The following BBC3 variants were observed in gnomAD, a reference collection of about 807,000 sequenced individuals.
The protein encoded by BBC3 is BCL2 binding component 3.
In BBC3, 5 loss-of-function variants were observed where a neutral mutation model predicts 18.2. The ratio of observed to expected loss-of-function variants is 0.27; its 90% CI spans 0.14 to 0.58. The LOEUF is 0.58. Among genes scored for constraint, BBC3 ranks in the 20% least tolerant of loss-of-function variants. The pLI is 0.91. For synonymous variants in BBC3, 119 were observed against 128.0 expected, an observed-to-expected ratio of 0.93 and a Z score of 0.47; for missense variants, 224 against 268.9, an observed-to-expected ratio of 0.83 and a Z score of 1.17.
Position 47,221,880 on chromosome 19 carries a change from C to T in BBC3, c.504G>A (p.Trp168Ter). The T allele has an allele frequency of 6.2e-7, 1 of 1,611,316 alleles. No individual in the cohort carries two copies. Among genetic ancestry groups the T allele is most frequent in the Non-Finnish European group, 8.5e-7 (1 of 1,179,000 alleles). The change falls in exon 4 of 4, where the codon TGG (tryptophan) becomes TGA (stop). Residue 168 changes from tryptophan (W) to a stop codon, truncating the protein, a stop_gained. Transcript: ENST00000439096. LOFTEE classifies it high-confidence loss of function. ...CCATGATGAGATTGTACAGGACCCT[C>T]CAGGGTGAGGGGCGGTGCCGCTGCT... The part of the protein sequence containing the change: ...EEQQRHRPSP[W>*]RVLYNLIMGL...
chr19:47,226,891 A>C, intron 2 of BBC3, 137 bp from the exon 3 acceptor site: 3 of 779,466 alleles, frequency 3.8e-6, no homozygotes, highest in Non-Finnish European at 5.6e-6. Context: ...TCAATTTCTC[A>C]GCTTCTCCTC....
upstream of BBC3, chr19:47,231,352 C>T (rs2058913240): frequency 1.7e-5 from 5 of 291,974 alleles, no homozygotes; most frequent in South Asian, 5.3e-4. The surrounding 1 kb of genome is among the most constrained non-coding windows in gnomAD (Gnocchi z 4.0). Flanking sequence ...GCGCGCCGCG[C>T]CCCCCCCTAC....
Position 47,226,705 on chromosome 19 carries a change from C to T in BBC3, c.324G>A (p.Val108=). Residue 108 remains valine, a synonymous_variant, in exon 3 of 4, where the codon GTG becomes GTA. Coordinates refer to ENST00000439096, the MANE Select transcript of BBC3 (RefSeq NM_014417.5). Reference sequence around the variant, plus strand: ...CCGCCAGAGCCCCCGGGGCGCTGGGCACGGGCGACTCCAGGTGCTGCTCCG... The same window carrying T: ...CCGCCAGAGCCCCCGGGGCGCTGGGTACGGGCGACTCCAGGTGCTGCTCCG... ...SLAEQHLESP[V]PSAPGALAGG... The T allele has an allele frequency of 6.8e-7, 1 of 1,463,908 alleles. No homozygotes were observed. Among genetic ancestry groups the T allele is most frequent in the Non-Finnish European group, 9.0e-7 (1 of 1,111,504 alleles). The allele number at this position is 1,463,908 out of a possible 1,614,324, so 90.7% of individuals were successfully genotyped here. A position where few individuals can be genotyped will look rare whatever the true frequency, so the allele number is the denominator to read the frequency against.
chr19:47,228,143 G>A lies in BBC3; in HGVS notation c.274+15C>T. ...TCCCGGCTCCTATCACCCCGGGGGC[G>A]GGGCGGGCACTCACCGTCCGGGCGC... On this transcript the variant is annotated intron_variant, in intron 2 of 3. Coordinates refer to ENST00000439096, the MANE Select transcript of BBC3 (RefSeq NM_014417.5). The surrounding 1 kb of genome is among the most constrained non-coding windows in gnomAD (Gnocchi z 5.5). 1 of 1,229,212 alleles carries A rather than the reference G, an allele frequency of 8.1e-7. No homozygotes were observed. Among genetic ancestry groups the A allele is most frequent in the Non-Finnish European group, 1.0e-6 (1 of 985,460 alleles). 76.1% of individuals were successfully genotyped at this position (1,229,212 alleles called of 1,614,324 possible).
In BBC3 at chr19:47,228,112, C is replaced by T. The variant is rs751395424; in HGVS notation, c.274+46G>A. 1.6e-4 allele frequency: 194 copies of T among 1,217,244 alleles called. 2 individuals carry two copies. The highest frequency in any genetic ancestry group is 3.6e-5 in the Non-Finnish European group (35 of 975,848). The allele number at this position is 1,217,244 out of a possible 1,614,324, so 75.4% of individuals were successfully genotyped here. ...CCAGTTCCTCCGAGTCTCCAGCCCT[C>T]TCTCTTCCCGGCTCCTATCACCCCG... On this transcript the variant is annotated intron_variant, in intron 2 of 3. Transcript: ENST00000439096. This position sits in a 1 kb window ranked among gnomAD's most constrained non-coding sequence, Gnocchi z 5.5.
At position 47,221,726 on chromosome 19, in the gene BBC3, G is replaced by C. The variant is rs750787778; in HGVS notation, c.*76C>G. 66 of 1,599,364 alleles carry C rather than the reference G, an allele frequency of 4.1e-5. No homozygotes were observed. In the African/African-American group the frequency reaches 8.0e-4, roughly 19 times the overall value. ...CTACATGGTGCAGAGAAAGTCCCCC[G>C]CGCTGGCCAGGGTGTCAGGAGGTGG... On this transcript the variant is annotated 3_prime_UTR_variant, in exon 4 of 4. Coordinates refer to ENST00000439096, the MANE Select transcript of BBC3 (RefSeq NM_014417.5).
chr19:47,227,617 A>C (rs1172072565), intron 2 of BBC3, among the ~76,000 whole-genome samples: 1 of 152,138 alleles, frequency 6.6e-6, no homozygotes. Context: ...ACAGCCCATC[A>C]GGCAGGGGAC....
Position 47,228,100 on chromosome 19 carries a change from G to GTC in BBC3, c.274+56_274+57dup. ...TCTCCCACTTCTCCAGTTCCTCCGA[G>GTC]TCTCCAGCCCTCTCTCTTCCCGGCT... On this transcript the variant is annotated intron_variant, in intron 2 of 3. Transcript: ENST00000439096. This position sits in a 1 kb window ranked among gnomAD's most constrained non-coding sequence, Gnocchi z 5.5. 8.4e-7 allele frequency: 1 copy of GTC among 1,193,200 alleles called. No homozygotes were observed. Among genetic ancestry groups the GTC allele is most frequent in the Non-Finnish European group, 1.0e-6 (1 of 955,122 alleles). 73.9% of individuals were successfully genotyped at this position (1,193,200 alleles called of 1,614,324 possible).
chr19:47,232,575 C>T, upstream of BBC3: 1 of 1,541,352 alleles, frequency 6.5e-7, no homozygotes, highest in Non-Finnish European at 8.8e-7. Flanking sequence ...CATGGACATG[C>T]CTGGGCAGAC....
intron 3 of BBC3, among the ~76,000 whole-genome samples, chr19:47,224,279 G>A (rs1266016387): frequency 1.3e-5 from 2 of 151,932 alleles, no homozygotes; most frequent in East Asian, 3.9e-4. Flanking sequence ...TGGGCAACAA[G>A]AGCGAAACTC....
upstream of BBC3, among the ~76,000 whole-genome samples, chr19:47,232,315 C>A (rs1248800810): frequency 2.6e-5 from 4 of 152,236 alleles, no homozygotes; most frequent in Non-Finnish European, 5.9e-5. Context: ...AGTGCCATTG[C>A]ACTCTAGCCT....
chr19:47,224,085 G>A (rs1229150399), intron 3 of BBC3, among the ~76,000 whole-genome samples: 5 of 151,942 alleles, frequency 3.3e-5, no homozygotes, highest in South Asian at 2.1e-4. Flanking sequence ...ACCTGAGGTC[G>A]GGAATTCAAG....
At chr19:47,227,100 G>A (rs2058837628) in intron 2 of BBC3, 1 of 202,030 alleles carries the variant, frequency 4.9e-6, no homozygotes, top group Non-Finnish European at 1.0e-5. Context: ...GGGAAACTGA[G>A]GCCCGCCCTT....
intron 1 of BBC3, among the ~76,000 whole-genome samples, chr19:47,229,989 A>G (rs1442800878): frequency 6.6e-6 from 1 of 151,864 alleles, no homozygotes; most frequent in African/African-American, 2.4e-5. Flanking sequence ...AAGCACACAT[A>G]TCGCACGCTC....
At chr19:47,231,204 C>A (rs868085077), upstream of BBC3, 8 of 982,350 alleles carry the variant, frequency 8.1e-6, no homozygotes, top group East Asian at 1.1e-4. This position sits in a 1 kb window ranked among gnomAD's most constrained non-coding sequence, Gnocchi z 4.0. Context: ...CGTCTCAGGC[C>A]GCCCGGCGGA....
At chr19:47,224,851 G>C (rs894008623) in intron 3 of BBC3, among the ~76,000 whole-genome samples, 2 of 149,652 alleles carry the variant, frequency 1.3e-5, no homozygotes, top group African/African-American at 4.9e-5. Context: ...AGATTCTCCT[G>C]CCTCAGTCTC....
chr19:47,229,958 A>T (rs747326587), intron 1 of BBC3, among the ~76,000 whole-genome samples: 2 of 152,130 alleles, frequency 1.3e-5, no homozygotes, highest in Non-Finnish European at 2.9e-5. Context: ...CAGCCAAGAC[A>T]GAAACACACA....
At chr19:47,231,201 G>T (rs1204242293), upstream of BBC3, 1 of 982,466 alleles carries the variant, frequency 1.0e-6, no homozygotes, top group African/African-American at 1.8e-5. This position sits in a 1 kb window ranked among gnomAD's most constrained non-coding sequence, Gnocchi z 4.0. Context: ...CCGCGTCTCA[G>T]GCCGCCCGGC....
At chr19:47,231,345 C>T (rs1295359500), upstream of BBC3, 3 of 359,712 alleles carry the variant, frequency 8.3e-6, no homozygotes, top group Non-Finnish European at 1.2e-5. The surrounding 1 kb of genome is among the most constrained non-coding windows in gnomAD (Gnocchi z 4.0). Context: ...TGCAGGCGCG[C>T]GCCGCGCCCC....
Sources: allele counts gnomAD v4.1 joint callset (sites outside exome capture counted in the v4.1 genomes callset), GRCh38; gene constraint gnomAD v4.1.1; non-coding constraint Gnocchi (gnomAD v3.1); transcripts MANE v1.5; gene names NCBI Gene and HGNC (gene_info 2026-07-23, HGNC 2026-07-21).